NWD2: variants seen among roughly 807,000 people sequenced by gnomAD.
NWD2 encodes NACHT and WD repeat domain-containing protein 2.
Under a neutral mutation model 132.7 loss-of-function variants are expected in NWD2, and 37 were observed. That is an observed-to-expected ratio of 0.28 (90% CI 0.21 to 0.37). The LOEUF is 0.37. Ranked by LOEUF, NWD2 falls within the 10% of genes least tolerant of loss-of-function variation. The pLI is 1.00. For missense variants in NWD2, 1,592 were observed against 2,122.4 expected (o/e 0.75, Z 4.91); for synonymous variants, 705 against 803.0 (o/e 0.88, Z 2.06).
At chr4:37,252,003 G>A (rs181140253) in intron 1 of NWD2, among the ~76,000 whole-genome samples, 33 of 152,252 alleles carry the variant, frequency 2.2e-4, no homozygotes, top group Admixed American at 1.6e-3. Context: ...TGATATGAAC[G>A]GAGCATTAAA....
At chr4:37,336,327 A>G (rs1410441681) in intron 2 of NWD2, among the ~76,000 whole-genome samples, 1 of 152,248 alleles carries the variant, frequency 6.6e-6, no homozygotes, top group African/African-American at 2.4e-5. Flanking sequence ...GGCATTTTAC[A>G]TTCTTGTTTT....
At chr4:37,268,861 C>T (rs904908561) in intron 1 of NWD2, among the ~76,000 whole-genome samples, 2 of 151,724 alleles carry the variant, frequency 1.3e-5, no homozygotes, top group Admixed American at 6.6e-5. Context: ...GTAAGTGGGC[C>T]AGGATTCTCC....
intron 3 of NWD2, among the ~76,000 whole-genome samples, chr4:37,409,666 A>G (rs1721116607): frequency 1.3e-5 from 2 of 152,262 alleles, no homozygotes; most frequent in South Asian, 2.1e-4. Context: ...CACCACTAAG[A>G]TACTCCTCGA....
intron 1 of NWD2, among the ~76,000 whole-genome samples, chr4:37,318,023 T>C (rs1360337245): frequency 2.9e-5 from 4 of 140,264 alleles, no homozygotes; most frequent in Non-Finnish European, 6.1e-5. Flanking sequence ...TTTCTTTCTT[T>C]TTTTTTTTTT....
chr4:37,302,840 G>A (rs1256681195), intron 1 of NWD2, among the ~76,000 whole-genome samples: 2 of 152,048 alleles, frequency 1.3e-5, no homozygotes, highest in East Asian at 3.8e-4. Flanking sequence ...AGTTCCTTGT[G>A]TATTCTAAAT....
chr4:37,298,273 G>T (rs539907343), intron 1 of NWD2, among the ~76,000 whole-genome samples: 1 of 152,280 alleles, frequency 6.6e-6, no homozygotes, highest in South Asian at 2.1e-4. Context: ...GCACATGCTT[G>T]ATCCTTGTTT....
At position 37,446,830 on chromosome 4, in the gene NWD2, C is replaced by A; in HGVS notation, c.4842C>A (p.Ser1614=). 6.4e-7 allele frequency: 1 copy of A among 1,551,706 alleles called. No individual in the cohort carries two copies. The highest frequency in any genetic ancestry group is 8.7e-7 in the Non-Finnish European group (1 of 1,146,998). ...ATGGCAAAAATATCGGTGCTTGTTC[C>A]CTTTACAAAACACCAACTTTCCTTG... ...LADGKNIGAC[S]LYKTPTFLAL... is the part of the protein sequence containing the mutation. The change falls in exon 7 of 7, where the codon TCC becomes TCA. Residue 1614 remains serine (S), a synonymous_variant. Transcript: ENST00000309447. This position sits in a 1 kb window ranked among gnomAD's most constrained non-coding sequence, Gnocchi z 6.7.
Position 37,425,811 on chromosome 4 carries a change from T to C in NWD2, c.358-4761T>C, listed in dbSNP as rs145475800. On this transcript the variant is annotated intron_variant, in intron 3 of 6. Coordinates refer to ENST00000309447, the MANE Select transcript of NWD2 (RefSeq NM_001144990.2). ...TTCAGTGGCTGGAATGAATACTCTA[T>C]TGCCAGTGAACAGAGAAGGATGCCT... is the stretch of plus-strand genomic sequence containing the variant. 8.5e-5 allele frequency among the ~76,000 whole-genome samples: 13 copies of C among 152,328 alleles called. No individual in the cohort carries two copies. In the East Asian group the frequency reaches 2.5e-3, roughly 29 times the overall value.
intron 3 of NWD2, among the ~76,000 whole-genome samples, chr4:37,365,648 G>C (rs1056921305): frequency 6.6e-6 from 1 of 152,270 alleles, no homozygotes; most frequent in East Asian, 1.9e-4. Context: ...ATCACCAAAA[G>C]AGCTTTAGAA....
At chr4:37,355,587 G>A (rs902184878) in intron 2 of NWD2, among the ~76,000 whole-genome samples, 11 of 152,170 alleles carry the variant, frequency 7.2e-5, no homozygotes, top group African/African-American at 2.4e-4. Context: ...AATTTTCAAA[G>A]CTACAACTGG....
intron 1 of NWD2, among the ~76,000 whole-genome samples, chr4:37,316,810 CAT>C (rs1690715561): frequency 6.6e-6 from 1 of 152,116 alleles, no homozygotes; most frequent in South Asian, 2.1e-4. Flanking sequence ...TTATCCCTCT[CAT>C]AAGTATTTCT....
At chr4:37,331,568 G>A (rs942744341) in intron 2 of NWD2, among the ~76,000 whole-genome samples, 2 of 149,952 alleles carry the variant, frequency 1.3e-5, no homozygotes, top group African/African-American at 2.5e-5. Context: ...GAGTATTTCT[G>A]TACAATACCA....
intron 3 of NWD2, among the ~76,000 whole-genome samples, chr4:37,399,685 T>A (rs1720864838): frequency 6.6e-6 from 1 of 152,218 alleles, no homozygotes; most frequent in African/African-American, 2.4e-5. Flanking sequence ...TTTTTTATCC[T>A]CTTTCTCCAG....
chr4:37,263,861 T>C (rs1717698047), intron 1 of NWD2, among the ~76,000 whole-genome samples: 1 of 152,190 alleles, frequency 6.6e-6, no homozygotes, highest in South Asian at 2.1e-4. Flanking sequence ...GAATTTTAGA[T>C]GGTCATTGGA....
chr4:37,301,706 A>G (rs960378820), intron 1 of NWD2, among the ~76,000 whole-genome samples: 3 of 151,752 alleles, frequency 2.0e-5, no homozygotes. Context: ...CTTTTATTCA[A>G]TGCTTACTTT....
chr4:37,417,901 T>C (rs1711672567), intron 3 of NWD2, among the ~76,000 whole-genome samples: 1 of 152,160 alleles, frequency 6.6e-6, no homozygotes, highest in Non-Finnish European at 1.5e-5. Context: ...AATAATTTAA[T>C]ATACAGTAGA....
chr4:37,322,898 A>T (rs1244508882), intron 1 of NWD2, among the ~76,000 whole-genome samples: 1 of 152,188 alleles, frequency 6.6e-6, no homozygotes, highest in Admixed American at 6.5e-5. Context: ...AAGCTTTAGG[A>T]CTTTAACATC....
rs545045839 is a variant in NWD2 at position 37,336,998 on chromosome 4, G to A, written c.240+10974G>A. 1.3e-4 allele frequency among the ~76,000 whole-genome samples: 20 copies of A among 148,656 alleles called. No homozygotes were observed. In the East Asian group the frequency reaches 3.9e-3, roughly 29 times the overall value. On this transcript the variant is annotated intron_variant, in intron 2 of 6. Transcript: ENST00000309447. Reference sequence around the variant, plus strand: ...AAGAAATTGTCCACCTGTCAAATGAGTAACTTTTTCTTCTATCTGACTGCT... The same window carrying A: ...AAGAAATTGTCCACCTGTCAAATGAATAACTTTTTCTTCTATCTGACTGCT...
chr4:37,357,629 A>T (rs1719897121), intron 3 of NWD2, among the ~76,000 whole-genome samples: 1 of 152,184 alleles, frequency 6.6e-6, no homozygotes, highest in African/African-American at 2.4e-5. Flanking sequence ...ATTCAACCTT[A>T]GAATTGAACT....
Sources: allele counts gnomAD v4.1 joint callset (sites outside exome capture counted in the v4.1 genomes callset), GRCh38; gene constraint gnomAD v4.1.1; non-coding constraint Gnocchi (gnomAD v3.1); transcripts MANE v1.5; gene names NCBI Gene and HGNC (gene_info 2026-07-23, HGNC 2026-07-21).